The following MSANTD2 variants were observed in gnomAD, a reference collection of about 807,000 sequenced individuals.
MSANTD2 encodes Myb/SANT DNA binding domain containing 2, also known as myb/SANT-like DNA-binding domain-containing protein 2.
In MSANTD2, 19 loss-of-function variants were observed where a neutral mutation model predicts 52.6. That is an observed-to-expected ratio of 0.36 (90% CI 0.25 to 0.53). The LOEUF (loss-of-function observed/expected upper bound fraction) is 0.53. Ranked by LOEUF, MSANTD2 falls within the 20% of genes least tolerant of loss-of-function variation. The probability of loss-of-function intolerance (pLI) is 0.91; values close to 1 mark genes in which losing one functional copy is unlikely to be tolerated. For missense variants in MSANTD2, 558 were observed against 716.3 expected, an observed-to-expected ratio of 0.78 and a Z score of 2.52; for synonymous variants, 291 against 289.7, an observed-to-expected ratio of 1.00 and a Z score of -0.04.
chr11:124,782,066 CTCTTTA>C (rs1225347247), intron 1 of MSANTD2, among the ~76,000 whole-genome samples: 1 of 152,188 alleles, frequency 6.6e-6, no homozygotes, highest in Admixed American at 6.5e-5. Flanking sequence ...TGGCAAATGT[CTCTTTA>C]TAACACTTTT....
intron 1 of MSANTD2, among the ~76,000 whole-genome samples, chr11:124,797,264 C>T (rs975586961): frequency 4.6e-5 from 7 of 152,130 alleles, no homozygotes; most frequent in Admixed American, 2.0e-4. Context: ...GCAGGCGGAT[C>T]GCTTGATTCT....
At chr11:124,784,741 T>C (rs778581783) in intron 1 of MSANTD2, 101 of 864,774 alleles carry the variant, frequency 1.2e-4, no homozygotes, top group Non-Finnish European at 1.3e-4. Context: ...ATGTTTCCAT[T>C]AGTAGATTTT....
chr11:124,798,251 A>G (rs1945559173), intron 1 of MSANTD2, among the ~76,000 whole-genome samples: 1 of 124,632 alleles, frequency 8.0e-6, no homozygotes, highest in Non-Finnish European at 1.8e-5. Flanking sequence ...AAAAAAAAAA[A>G]AAAAAAAAAT....
At chr11:124,768,199 A>G (rs1944373146) in intron 3 of MSANTD2, among the ~76,000 whole-genome samples, 171 bp from the exon 4 acceptor site, 1 of 152,226 alleles carries the variant, frequency 6.6e-6, no homozygotes, top group African/African-American at 2.4e-5. Flanking sequence ...TTAAAATTAC[A>G]TTTAAATAGC....
At chr11:124,786,105 T>C (rs952961582) in intron 1 of MSANTD2, among the ~76,000 whole-genome samples, 2 of 149,084 alleles carry the variant, frequency 1.3e-5, no homozygotes, top group African/African-American at 4.9e-5. Context: ...CTTTTTTTTT[T>C]TTTTTTTTTT....
intron 1 of MSANTD2, chr11:124,789,688 G>C (rs1285254938): frequency 6.6e-6 from 1 of 152,128 alleles, no homozygotes; most frequent in African/African-American, 2.4e-5. Context: ...AAAGATGGTT[G>C]AGAATCATAC....
intron 1 of MSANTD2, chr11:124,783,967 A>G: frequency 1.0e-6 from 1 of 985,404 alleles, no homozygotes; most frequent in Non-Finnish European, 1.2e-6. Context: ...CATGTATAAG[A>G]GCTTCTTTAG....
intron 1 of MSANTD2, among the ~76,000 whole-genome samples, chr11:124,777,874 G>A (rs1479076185): frequency 6.6e-6 from 1 of 150,872 alleles, no homozygotes; most frequent in African/African-American, 2.5e-5. Context: ...CAGATCCAAG[G>A]AGAGGCTATT....
At chr11:124,780,542 G>A (rs892162793) in intron 1 of MSANTD2, among the ~76,000 whole-genome samples, 4 of 152,044 alleles carry the variant, frequency 2.6e-5, no homozygotes, top group African/African-American at 9.7e-5. Flanking sequence ...TTGAGTCATG[G>A]ATCCACTCCT....
intron 1 of MSANTD2, chr11:124,783,803 T>C: frequency 1.0e-6 from 1 of 985,388 alleles, no homozygotes; most frequent in Non-Finnish European, 1.2e-6. Flanking sequence ...ACAATACTAA[T>C]TGTTAAAAAC....
At chr11:124,785,145 T>C (rs1945116769) in intron 1 of MSANTD2, among the ~76,000 whole-genome samples, 1 of 152,220 alleles carries the variant, frequency 6.6e-6, no homozygotes. Flanking sequence ...TTATAAAGAC[T>C]GCTAAGAGAA....
chr11:124,796,309 A>G (rs958066704), intron 1 of MSANTD2, among the ~76,000 whole-genome samples: 1 of 152,222 alleles, frequency 6.6e-6, no homozygotes, highest in African/African-American at 2.4e-5. Context: ...TCCTTTATAC[A>G]ATGTGAGGAA....
chr11:124,775,155 A>G, intron 1 of MSANTD2, 181 bp from the exon 2 acceptor site: 2 of 571,534 alleles, frequency 3.5e-6, no homozygotes, highest in East Asian at 2.9e-5. Flanking sequence ...GCATTTACTC[A>G]AACATGTTAT....
At chr11:124,770,117 T>G (rs1368754305) in intron 3 of MSANTD2, among the ~76,000 whole-genome samples, 1 of 152,196 alleles carries the variant, frequency 6.6e-6, no homozygotes, top group Non-Finnish European at 1.5e-5. Context: ...CCAGAAAAGT[T>G]TAAGTGGTTT....
At chr11:124,773,770 G>A (rs1944631360) in intron 2 of MSANTD2, among the ~76,000 whole-genome samples, 1 of 152,228 alleles carries the variant, frequency 6.6e-6, no homozygotes, top group South Asian at 2.1e-4. Context: ...AAAAAACAGA[G>A]CCCATGGACT....
At position 124,767,796 on chromosome 11, in the gene MSANTD2, G is replaced by C. The variant is rs745721192; in HGVS notation, c.1060C>G (p.Pro354Ala). The change falls in exon 4 of 4, where the codon CCT becomes GCT. Residue 354 changes from proline (P) to alanine (A), a missense_variant. Physicochemically the swap from Pro to Ala is conservative, Grantham distance 27 (BLOSUM62 -1). Transcript: ENST00000374979. This position sits in a 1 kb window ranked among gnomAD's most constrained non-coding sequence, Gnocchi z 6.5. Reference protein sequence around the residue: ...RLREYFNSEKPEGRIIMTRVQ... With the variant: ...RLREYFNSEKAEGRIIMTRVQ... The stretch of plus-strand genomic sequence containing the variant: ...CGGGTCATAATGATCCGTCCTTCAG[G>C]CTTCTCAGAGTTGAAGTACTCCCGA... 5 of 1,614,194 alleles carry C rather than the reference G, an allele frequency of 3.1e-6. No homozygotes were observed. The highest frequency in any genetic ancestry group is 1.6e-4 in the Middle Eastern group (1 of 6,062).
At chr11:124,781,187 A>T (rs1464669139) in intron 1 of MSANTD2, among the ~76,000 whole-genome samples, 1 of 151,472 alleles carries the variant, frequency 6.6e-6, no homozygotes, top group African/African-American at 2.4e-5. Flanking sequence ...CTGTCTCAAA[A>T]AAAAAAAAAA....
intron 1 of MSANTD2, among the ~76,000 whole-genome samples, chr11:124,776,925 T>C (rs1475675213): frequency 3.9e-5 from 6 of 152,102 alleles, no homozygotes; most frequent in African/African-American, 7.2e-5. Context: ...TTGTAAAAGA[T>C]AGTCACAATT....
chr11:124,784,497 C>T (rs1170690968), intron 1 of MSANTD2: 4 of 984,628 alleles, frequency 4.1e-6, no homozygotes, highest in East Asian at 2.3e-4. Context: ...CCCCCCGCCA[C>T]CTCAAAAATC....
Sources: allele counts gnomAD v4.1 joint callset (sites outside exome capture counted in the v4.1 genomes callset), GRCh38; gene constraint gnomAD v4.1.1; non-coding constraint Gnocchi (gnomAD v3.1); transcripts MANE v1.5; gene names NCBI Gene and HGNC (gene_info 2026-07-23, HGNC 2026-07-21).